Variants in SELENOF observed in about 807,000 individuals in gnomAD.
SELENOF encodes selenoprotein F.
SELENOF carries 16 observed loss-of-function variants against 20.5 expected under a neutral mutation model. The ratio of observed to expected loss-of-function variants is 0.78; its 90% CI spans 0.53 to 1.19. The LOEUF is 1.19. SELENOF is among the 50% of genes most tolerant of loss of function. The pLI, the probability that SELENOF is intolerant of heterozygous loss-of-function variation, is 0.00. For missense variants in SELENOF, 215 were observed against 194.2 expected (o/e 1.11, Z -0.64); for synonymous variants, 78 against 74.5 (o/e 1.05, Z -0.24).
intron 1 of SELENOF, among the ~76,000 whole-genome samples, chr1:86,905,081 CTAAGG>C (rs1294675680): frequency 6.6e-6 from 1 of 152,138 alleles, no homozygotes; most frequent in Non-Finnish European, 1.5e-5. Flanking sequence ...TCTATTCTTC[CTAAGG>C]TATTCAGTAT....
intron 2 of SELENOF, among the ~76,000 whole-genome samples, chr1:86,883,419 G>T (rs553767214): frequency 6.6e-6 from 1 of 152,140 alleles, no homozygotes; most frequent in African/African-American, 2.4e-5. Context: ...CTTAAAAATG[G>T]TTAAAATAGT....
At chr1:86,908,988 A>T (rs1659904541) in intron 1 of SELENOF, among the ~76,000 whole-genome samples, 1 of 152,262 alleles carries the variant, frequency 6.6e-6, no homozygotes. Context: ...TCAGAGGAGT[A>T]GACAGTGATA....
At chr1:86,876,839 A>G (rs1434320277) in intron 3 of SELENOF, among the ~76,000 whole-genome samples, 1 of 152,258 alleles carries the variant, frequency 6.6e-6, no homozygotes, top group Non-Finnish European at 1.5e-5. Flanking sequence ...AGACAGTTTC[A>G]AAGGCTAGGG....
At chr1:86,876,076 G>C (rs1658917308) in intron 3 of SELENOF, among the ~76,000 whole-genome samples, 1 of 151,506 alleles carries the variant, frequency 6.6e-6, no homozygotes. Flanking sequence ...TGGTTGTTGT[G>C]TTGAAGAGGT....
At chr1:86,872,275 A>C (rs1278931532) in intron 3 of SELENOF, among the ~76,000 whole-genome samples, 1 of 152,222 alleles carries the variant, frequency 6.6e-6, no homozygotes, top group East Asian at 1.9e-4. Context: ...ATCATGCATG[A>C]AATGGGAACA....
chr1:86,911,959 A>G (rs1334670945), intron 1 of SELENOF, among the ~76,000 whole-genome samples: 1 of 151,924 alleles, frequency 6.6e-6, no homozygotes, highest in Non-Finnish European at 1.5e-5. Context: ...TTTACTAGAG[A>G]CGGGGTTTCA....
At chr1:86,884,187 CAA>C (rs1037691134) in intron 2 of SELENOF, among the ~76,000 whole-genome samples, 3 of 151,992 alleles carry the variant, frequency 2.0e-5, no homozygotes, top group African/African-American at 7.2e-5. Context: ...TTTTTCATGA[CAA>C]AACTTCAAAA....
intron 3 of SELENOF, among the ~76,000 whole-genome samples, chr1:86,878,220 A>C (rs1658973906): frequency 6.6e-6 from 1 of 152,260 alleles, no homozygotes; most frequent in Admixed American, 6.5e-5. Context: ...AAAACATACC[A>C]AAATTTAAAT....
chr1:86,870,972 G>C (rs1442758855), intron 3 of SELENOF, among the ~76,000 whole-genome samples: 1 of 151,966 alleles, frequency 6.6e-6, no homozygotes, highest in Non-Finnish European at 1.5e-5. Flanking sequence ...AAATTTAAAA[G>C]GAATACTAAG....
chr1:86,875,717 G>A (rs928203121), intron 3 of SELENOF, among the ~76,000 whole-genome samples: 3 of 152,124 alleles, frequency 2.0e-5, no homozygotes, highest in Admixed American at 6.6e-5. Context: ...AGACCAGTAC[G>A]CCAAATATAA....
intron 1 of SELENOF, among the ~76,000 whole-genome samples, chr1:86,912,046 T>C (rs1052792844): frequency 6.6e-6 from 1 of 152,142 alleles, no homozygotes; most frequent in East Asian, 1.9e-4. Flanking sequence ...TGCACTGGAA[T>C]GAGCCACCAC....
intron 2 of SELENOF, among the ~76,000 whole-genome samples, chr1:86,888,693 C>T (rs905474194): frequency 2.0e-5 from 3 of 152,222 alleles, no homozygotes; most frequent in African/African-American, 4.8e-5. Context: ...GACGGAGTCT[C>T]GCTCCCATTG....
In SELENOF at chr1:86,876,641, G is replaced by C. The variant is rs555089045; in HGVS notation, c.316+4021C>G. On this transcript the variant is annotated intron_variant, in intron 3 of 4. Transcript: ENST00000331835. ...ATATAGATTGGTAGTCATCAGATAA[G>C]TACTGTAATTGAAACTGAGGGAGTG... Among the ~76,000 whole-genome samples, 29 of 152,308 alleles carry C rather than the reference G, an allele frequency of 1.9e-4. No homozygotes were observed. In the South Asian group the frequency reaches 6.0e-3, roughly 32 times the overall value.
At chr1:86,903,583 C>G (rs909640655) in intron 1 of SELENOF, 135 bp from the exon 2 acceptor site, 3 of 632,622 alleles carry the variant, frequency 4.7e-6, no homozygotes, top group Non-Finnish European at 7.4e-6. Context: ...GAGATAAATT[C>G]TTTTAAATTT....
intron 1 of SELENOF, among the ~76,000 whole-genome samples, chr1:86,910,554 A>C (rs1659952266): frequency 7.8e-6 from 1 of 128,390 alleles, no homozygotes; most frequent in Admixed American, 7.4e-5. Context: ...AAATACAAAA[A>C]TTAGCTGTGC....
chr1:86,887,579 C>A (rs1190843916), intron 2 of SELENOF, among the ~76,000 whole-genome samples: 1 of 151,944 alleles, frequency 6.6e-6, no homozygotes, highest in African/African-American at 2.4e-5. Flanking sequence ...TACAAAAAAA[C>A]CCCTAAAAAT....
chr1:86,883,379 C>T (rs890812401), intron 2 of SELENOF, among the ~76,000 whole-genome samples: 2 of 151,886 alleles, frequency 1.3e-5, no homozygotes, highest in African/African-American at 4.8e-5. Flanking sequence ...TACAACAATG[C>T]GAATGTACTT....
At chr1:86,891,371 C>T (rs1659380321) in intron 2 of SELENOF, among the ~76,000 whole-genome samples, 1 of 152,072 alleles carries the variant, frequency 6.6e-6, no homozygotes. Flanking sequence ...TTTTCTACTC[C>T]TTGAAGACAA....
In SELENOF at chr1:86,873,120, G is replaced by T. The variant is rs575144716; in HGVS notation, c.317-5018C>A. 2.6e-5 allele frequency among the ~76,000 whole-genome samples: 4 copies of T among 151,640 alleles called. No individual in the cohort carries two copies. The East Asian group carries it at 7.8e-4, about 29-fold the overall frequency. On this transcript the variant is annotated intron_variant, in intron 3 of 4. Transcript: ENST00000331835. ...AATAAAAAATAAATTATCCAGGCAC[G>T]GTGGTGCATGCCTGTATTCCCAGCT...
Sources: gnomAD v4.1 joint callset for allele counts (sites outside exome capture counted in the v4.1 genomes callset) on GRCh38, gnomAD v4.1.1 for gene constraint, MANE v1.5 for transcripts, NCBI Gene and HGNC (gene_info 2026-07-23, HGNC 2026-07-21) for gene names.